Variants in HIBADH observed in about 807,000 individuals in gnomAD.
HIBADH encodes 3-hydroxyisobutyrate dehydrogenase, mitochondrial.
A neutral mutation model predicts 36.1 loss-of-function variants in HIBADH; 25 were observed. The observed-to-expected ratio is 0.69, with a 90% CI of 0.50 to 0.97. The LOEUF (loss-of-function observed/expected upper bound fraction) is 0.97, where lower values mean the gene tolerates loss of function less well. HIBADH is among the 50% of genes least tolerant of loss of function. The probability of loss-of-function intolerance (pLI) is 0.00; values close to 1 mark genes in which losing one functional copy is unlikely to be tolerated. For synonymous variants in HIBADH, 160 were observed against 149.5 expected, an observed-to-expected ratio of 1.07 and a Z score of -0.51; for missense variants, 421 against 418.0, an observed-to-expected ratio of 1.01 and a Z score of -0.06.
intron 1 of HIBADH, among the ~76,000 whole-genome samples, chr7:27,655,275 C>T (rs1172404278): frequency 6.6e-6 from 1 of 151,990 alleles, no homozygotes; most frequent in South Asian, 2.1e-4. Flanking sequence ...TTAGATGATA[C>T]CATGGAATCA....
At chr7:27,648,993 C>T (rs531131636) in intron 2 of HIBADH, among the ~76,000 whole-genome samples, 9 of 152,308 alleles carry the variant, frequency 5.9e-5, no homozygotes, top group East Asian at 3.9e-4. Context: ...AGGTTGTCAT[C>T]GTTCACATTT....
intron 4 of HIBADH, 111 bp from the exon 5 acceptor site, chr7:27,543,211 T>G: frequency 1.9e-6 from 2 of 1,071,260 alleles, no homozygotes; most frequent in Non-Finnish European, 2.7e-6. Context: ...CTCCAATCTG[T>G]ATTTATGCCA....
intron 1 of HIBADH, among the ~76,000 whole-genome samples, chr7:27,654,578 A>C (rs1209358042): frequency 6.6e-6 from 1 of 152,166 alleles, no homozygotes; most frequent in Non-Finnish European, 1.5e-5. Context: ...TACCAGAAGG[A>C]AAAAACAACT....
intron 4 of HIBADH, among the ~76,000 whole-genome samples, chr7:27,619,649 A>G (rs1447577097): frequency 6.6e-6 from 1 of 151,388 alleles, no homozygotes; most frequent in Non-Finnish European, 1.5e-5. Flanking sequence ...CTCTGGAACT[A>G]AAGAACTTAT....
intron 4 of HIBADH, among the ~76,000 whole-genome samples, chr7:27,601,182 C>A (rs543379681): frequency 6.6e-6 from 1 of 152,076 alleles, no homozygotes; most frequent in Non-Finnish European, 1.5e-5. Flanking sequence ...GTATCTTTCA[C>A]TGAGTTCTCT....
chr7:27,532,386 T>G (rs148209600), intron 6 of HIBADH, among the ~76,000 whole-genome samples: 1 of 152,210 alleles, frequency 6.6e-6, no homozygotes, highest in African/African-American at 2.4e-5. Flanking sequence ...GAGACACTTA[T>G]GTAAATGTTA....
chr7:27,611,085 A>G (rs960847049), intron 4 of HIBADH, among the ~76,000 whole-genome samples: 3 of 152,246 alleles, frequency 2.0e-5, no homozygotes, highest in African/African-American at 7.2e-5. Context: ...AGCCAAGTAG[A>G]GTATAAAATT....
In HIBADH at chr7:27,588,295, A is replaced by C. The variant is rs887632181; in HGVS notation, c.484+41076T>G. ...AGGAAAGGAGGTCCAGGATAAATACAAGGCAAGAAGTTTTGGTAAACAGTT... is the reference window on the plus strand; with the variant it reads ...AGGAAAGGAGGTCCAGGATAAATACCAGGCAAGAAGTTTTGGTAAACAGTT... On this transcript the variant is annotated intron_variant, in intron 4 of 7. Coordinates refer to ENST00000265395, the MANE Select transcript of HIBADH (RefSeq NM_152740.4). Among the ~76,000 whole-genome samples the C allele has an allele frequency of 7.2e-5, 11 of 152,150 alleles. 1 individual carries two copies. The highest frequency in any genetic ancestry group is 1.6e-4 in the Non-Finnish European group (11 of 68,022).
intron 4 of HIBADH, among the ~76,000 whole-genome samples, chr7:27,596,172 T>C (rs1257222373): frequency 6.6e-6 from 1 of 152,230 alleles, no homozygotes; most frequent in Non-Finnish European, 1.5e-5. Flanking sequence ...GTTCCAGCTC[T>C]GCCTCCAAGA....
At chr7:27,532,930 A>G (rs563988960) in intron 6 of HIBADH, among the ~76,000 whole-genome samples, 1 of 152,352 alleles carries the variant, frequency 6.6e-6, no homozygotes, top group South Asian at 2.1e-4. Context: ...GAAAAGTAAA[A>G]TCACAATTAA....
intron 4 of HIBADH, among the ~76,000 whole-genome samples, chr7:27,585,528 C>T (rs886963550): frequency 2.0e-5 from 3 of 152,154 alleles, no homozygotes; most frequent in African/African-American, 2.4e-5. Context: ...CATATATTTG[C>T]CTTCATTGTG....
In HIBADH at chr7:27,649,719, A is replaced by ATTT. The variant is rs879263925; in HGVS notation, c.92-89_92-87dup. On this transcript the variant is annotated intron_variant, in intron 1 of 7. Transcript: ENST00000265395. ...TTAATATTAGCAAGTCAATTGTTAG[A>ATTT]TTTTTTTTTTTTAATAAAAGAAACT... 1.3e-4 allele frequency: 136 copies of ATTT among 1,044,288 alleles called. No individual in the cohort carries two copies. In the African/African-American group the frequency reaches 2.0e-3, roughly 15 times the overall value. 64.7% of individuals were successfully genotyped at this position (1,044,288 alleles called of 1,614,324 possible).
At chr7:27,589,398 CTAAA>C (rs889329090) in intron 4 of HIBADH, among the ~76,000 whole-genome samples, 3 of 152,190 alleles carry the variant, frequency 2.0e-5, no homozygotes, top group Non-Finnish European at 2.9e-5. Context: ...TTCTTATTGA[CTAAA>C]TGAGAAATTC....
intron 4 of HIBADH, among the ~76,000 whole-genome samples, chr7:27,615,078 T>C (rs987895350): frequency 6.6e-6 from 1 of 152,160 alleles, no homozygotes. Context: ...GACTAGGAAA[T>C]ATGGCGATTC....
chr7:27,573,683 T>A (rs968505889), intron 4 of HIBADH, among the ~76,000 whole-genome samples: 2 of 152,180 alleles, frequency 1.3e-5, no homozygotes, highest in African/African-American at 4.8e-5. Context: ...GCAGACTCTC[T>A]AAGGCTGTGT....
chr7:27,602,058 T>C (rs1785139283), intron 4 of HIBADH, among the ~76,000 whole-genome samples: 1 of 152,096 alleles, frequency 6.6e-6, no homozygotes, highest in Non-Finnish European at 1.5e-5. Flanking sequence ...ATTAGTCTCC[T>C]GCAATAATAT....
At chr7:27,644,294 T>C (rs1239652614) in intron 2 of HIBADH, among the ~76,000 whole-genome samples, 1 of 151,740 alleles carries the variant, frequency 6.6e-6, no homozygotes, top group African/African-American at 2.4e-5. Context: ...TGAAACCCCG[T>C]CTCTACTAAA....
At chr7:27,539,284 TG>T (rs1784112703) in intron 5 of HIBADH, among the ~76,000 whole-genome samples, 1 of 152,156 alleles carries the variant, frequency 6.6e-6, no homozygotes, top group African/African-American at 2.4e-5. Context: ...AAGAAAGGCT[TG>T]GACCAGGTCC....
At chr7:27,648,794 CATGA>C (rs1786123521) in intron 2 of HIBADH, among the ~76,000 whole-genome samples, 1 of 152,204 alleles carries the variant, frequency 6.6e-6, no homozygotes, top group African/African-American at 2.4e-5. Context: ...ATTCTTTAAA[CATGA>C]ATGATAGCCT....
Sources: gnomAD v4.1 joint callset for allele counts (sites outside exome capture counted in the v4.1 genomes callset) on GRCh38, gnomAD v4.1.1 for gene constraint, MANE v1.5 for transcripts, NCBI Gene and HGNC (gene_info 2026-07-23, HGNC 2026-07-21) for gene names.